The following CLN8 variants were observed in gnomAD, a reference collection of about 807,000 sequenced individuals.
CLN8 encodes the protein protein CLN8.
A neutral mutation model predicts 15.7 loss-of-function variants in CLN8; 14 were observed. That is an observed-to-expected ratio of 0.89 (90% CI 0.59 to 1.39). CLN8 has a LOEUF of 1.39. Ranked by LOEUF, CLN8 falls within the 40% of genes most tolerant of loss-of-function variation. The pLI, the probability that CLN8 is intolerant of heterozygous loss-of-function variation, is 0.00. For synonymous variants in CLN8, 188 were observed against 151.0 expected (o/e 1.25, Z -1.80); for missense variants, 415 against 364.0 (o/e 1.14, Z -1.14).
At chr8:1,773,708 G>C (rs539225714) in intron 2 of CLN8, 1 of 152,454 alleles carries the variant, frequency 6.6e-6, no homozygotes, top group African/African-American at 2.4e-5. Flanking sequence ...AGTGAGATCA[G>C]TGTGGAGTGG....
chr8:1,761,628 G>A (rs1459438352), upstream of CLN8, among the ~76,000 whole-genome samples: 2 of 152,162 alleles, frequency 1.3e-5, no homozygotes, highest in African/African-American at 4.8e-5. Context: ...CCCAGCCCTG[G>A]AGTTCAGAGT....
chr8:1,759,257 G>A (rs911368489), upstream of CLN8: 1 of 152,292 alleles, frequency 6.6e-6, no homozygotes, highest in Non-Finnish European at 1.5e-5. Context: ...CGTGGCTAAC[G>A]GGGTTGGCGG....
Position 1,771,284 on chromosome 8 carries a change from G to C in CLN8, c.230G>C (p.Ser77Thr), listed in dbSNP as rs1801292088. 6.2e-7 allele frequency: 1 copy of C among 1,614,056 alleles called. No individual in the cohort carries two copies. Among genetic ancestry groups the C allele is most frequent in the African/African-American group, 1.3e-5 (1 of 74,930 alleles). The part of the protein sequence containing the change: ...AATRAVFGVQ[S>T]TAAGLWALLG... ...ACGCGTGCAGTCTTTGGTGTTCAGA[G>C]CACAGCCGCAGGCCTGTGGGCTCTG... The change falls in exon 2 of 3, where the codon AGC becomes ACC. Residue 77 changes from serine (S) to threonine (T), a missense_variant. Physicochemically the swap from Ser to Thr is moderately conservative, Grantham distance 58. Transcript: ENST00000331222.
intron 1 of CLN8, chr8:1,765,102 G>C (rs1248036460): frequency 2.0e-5 from 3 of 152,178 alleles, no homozygotes; most frequent in African/African-American, 7.2e-5. Context: ...TGTTAAGGAA[G>C]TTCTTCCTGA....
At chr8:1,762,120 C>T (rs540876229), upstream of CLN8, 1 of 152,318 alleles carries the variant, frequency 6.6e-6, no homozygotes, top group Admixed American at 6.5e-5. Flanking sequence ...TAGGTCAGAT[C>T]TCTCACTGTC....
chr8:1,779,477 T>A (rs942598413), intron 2 of CLN8, among the ~76,000 whole-genome samples: 1 of 152,206 alleles, frequency 6.6e-6, no homozygotes, highest in Admixed American at 6.5e-5. Context: ...ACTTCTGACT[T>A]CAAGTGATCT....
intron 2 of CLN8, chr8:1,772,778 C>G: frequency 5.3e-6 from 2 of 375,520 alleles, no homozygotes; most frequent in Non-Finnish European, 9.4e-6. Context: ...CCGTGCACAG[C>G]CTTAAAATTG....
chr8:1,770,625 G>C (rs1801260102), intron 1 of CLN8, among the ~76,000 whole-genome samples: 1 of 152,192 alleles, frequency 6.6e-6, no homozygotes, highest in African/African-American at 2.4e-5. Context: ...TTGTGTGACT[G>C]ATTGGGACTG....
At chr8:1,755,232 G>C (rs981991560), upstream of CLN8, among the ~76,000 whole-genome samples, 1 of 152,212 alleles carries the variant, frequency 6.6e-6, no homozygotes, top group African/African-American at 2.4e-5. Context: ...ACCTGACATA[G>C]ACTAACAGAT....
chr8:1,754,753 C>A (rs1053941415), upstream of CLN8, among the ~76,000 whole-genome samples: 4 of 152,182 alleles, frequency 2.6e-5, no homozygotes, highest in Non-Finnish European at 5.9e-5. Context: ...TGTAGACATC[C>A]CAACACCATG....
At chr8:1,775,885 C>A (rs915830590) in intron 2 of CLN8, among the ~76,000 whole-genome samples, 2 of 152,338 alleles carry the variant, frequency 1.3e-5, no homozygotes, top group African/African-American at 4.8e-5. Context: ...TGCCAGGTGC[C>A]GGGTCATAAC....
intron 2 of CLN8, chr8:1,772,851 G>C: frequency 2.5e-6 from 1 of 397,944 alleles, no homozygotes; most frequent in Non-Finnish European, 4.4e-6. Context: ...TATTTGATAT[G>C]AAATTTGAGA....
At chr8:1,760,815 G>C (rs1322435719), upstream of CLN8, among the ~76,000 whole-genome samples, 2 of 152,160 alleles carry the variant, frequency 1.3e-5, no homozygotes, top group Non-Finnish European at 2.9e-5. Flanking sequence ...CTCTGATACA[G>C]AGTGGGGAGC....
At chr8:1,767,487 TG>T (rs901674423) in intron 1 of CLN8, among the ~76,000 whole-genome samples, 3 of 151,908 alleles carry the variant, frequency 2.0e-5, no homozygotes, top group African/African-American at 7.2e-5. Flanking sequence ...TTTGCTCTTA[TG>T]GTGAAGATCA....
intron 1 of CLN8, among the ~76,000 whole-genome samples, chr8:1,769,854 G>A (rs116384516): frequency 6.6e-6 from 1 of 152,172 alleles, no homozygotes; most frequent in Non-Finnish European, 1.5e-5. Context: ...GAGATGCTGT[G>A]ATGGAAGGCA....
Position 1,771,349 on chromosome 8 carries a change from C to T in CLN8, c.295C>T (p.Gln99Ter), listed in dbSNP as rs750162094. The change falls in exon 2 of 3, where the codon CAG becomes TAG. Residue 99 changes from glutamine (Q) to a stop codon, truncating the protein, a stop_gained. Transcript: ENST00000331222. LOFTEE classifies it high-confidence loss of function. ...PVLHADKARG[Q>*]QNWCWFHITT... ...GCTGCATGCCGACAAGGCGCGTGGCCAGCAGAACTGGTGCTGGTTTCACAT... is the reference window on the plus strand; with the variant it reads ...GCTGCATGCCGACAAGGCGCGTGGCTAGCAGAACTGGTGCTGGTTTCACAT... 25 of 1,614,094 alleles carry T rather than the reference C, an allele frequency of 1.5e-5. No homozygotes were observed. The highest frequency in any genetic ancestry group is 1.6e-5 in the Non-Finnish European group (19 of 1,180,050).
At chr8:1,757,178 A>C (rs1244971515) in intron 1 of CLN8, among the ~76,000 whole-genome samples, 7 of 152,098 alleles carry the variant, frequency 4.6e-5, no homozygotes, top group African/African-American at 1.7e-4. Context: ...TACATTTTTC[A>C]AGCTCACCAC....
In CLN8 at chr8:1,763,830, T is replaced by A. The variant is rs1325101796; in HGVS notation, c.-179T>A. ...CAATGAGGTCAGTGACTGCCGGGAG[T>A]CCTGCAGGGGCGGGGCGGCGCCAAG... On this transcript the variant is annotated 5_prime_UTR_variant, in exon 1 of 3. Coordinates refer to ENST00000331222, the MANE Select transcript of CLN8 (RefSeq NM_018941.4). 1 of 150,342 alleles carries A rather than the reference T, an allele frequency of 6.7e-6. No individual in the cohort carries two copies. Among genetic ancestry groups the A allele is most frequent in the Non-Finnish European group, 1.5e-5 (1 of 67,708 alleles). The allele number at this position is 150,342 out of a possible 1,614,324, so 9.3% of individuals were successfully genotyped here. A position where few individuals can be genotyped will look rare whatever the true frequency, so the allele number is the denominator to read the frequency against.
rs1334572997 is a variant in CLN8 at position 1,783,806 on chromosome 8, G to A, written c.*3239G>A. The A allele has an allele frequency of 1.3e-5, 2 of 152,254 alleles. No homozygotes were observed. Among genetic ancestry groups the A allele is most frequent in the African/African-American group, 4.8e-5 (2 of 41,462 alleles). The allele number at this position is 152,254 out of a possible 1,614,324, so 9.4% of individuals were successfully genotyped here. On this transcript the variant is annotated 3_prime_UTR_variant, in exon 3 of 3. Transcript: ENST00000331222. Reference sequence around the variant, plus strand: ...CTGTTGATTCCACTTCTGTCGAGGAGCTTCGGGGCTCAGAGAGGTGATGAC... The same window carrying A: ...CTGTTGATTCCACTTCTGTCGAGGAACTTCGGGGCTCAGAGAGGTGATGAC...
Sources: gnomAD v4.1 joint callset for allele counts (sites outside exome capture counted in the v4.1 genomes callset) on GRCh38, gnomAD v4.1.1 for gene constraint, MANE v1.5 for transcripts, NCBI Gene and HGNC (gene_info 2026-07-23, HGNC 2026-07-21) for gene names.